Variants in XXYLT1 observed in about 807,000 individuals in gnomAD.
XXYLT1 encodes the protein UDP-xylose:alpha-xyloside alpha-1,3-xylosyltransferase.
In XXYLT1, 20 loss-of-function variants were observed where a neutral mutation model predicts 28.9. That is an observed-to-expected ratio of 0.69 (90% CI 0.49 to 1.00). The LOEUF is 1.00. XXYLT1 is among the 50% of genes least tolerant of loss of function. The pLI is 0.00. For missense variants in XXYLT1, 542 were observed against 560.1 expected (o/e 0.97, Z 0.33); for synonymous variants, 257 against 253.8 (o/e 1.01, Z -0.12).
At chr3:195,144,068 A>G (rs1010356765) in intron 3 of XXYLT1, among the ~76,000 whole-genome samples, 1 of 147,856 alleles carries the variant, frequency 6.8e-6, no homozygotes, top group Non-Finnish European at 1.5e-5. Context: ...TGATTTTTGT[A>G]TTTTTATTAG....
At chr3:195,249,670 A>T (rs917652474) in intron 1 of XXYLT1, among the ~76,000 whole-genome samples, 81 of 152,168 alleles carry the variant, frequency 5.3e-4, no homozygotes, top group Admixed American at 6.5e-5. Flanking sequence ...TTTCAGGCAC[A>T]AGGGTTGCCC....
intron 3 of XXYLT1, among the ~76,000 whole-genome samples, chr3:195,091,519 G>A: frequency 1.8e-5 from 1 of 56,594 alleles, no homozygotes; most frequent in African/African-American, 1.3e-4. Context: ...GTATTGATGG[G>A]ATGTATTTCA....
chr3:195,201,641 T>C (rs769733670), intron 2 of XXYLT1, among the ~76,000 whole-genome samples: 12 of 152,214 alleles, frequency 7.9e-5, no homozygotes, highest in Non-Finnish European at 1.8e-4. Flanking sequence ...CTTTTGGCTC[T>C]GCCAGATAAA....
At chr3:195,090,368 G>C (rs1304592521) in intron 3 of XXYLT1, among the ~76,000 whole-genome samples, 4 of 151,510 alleles carry the variant, frequency 2.6e-5, no homozygotes, top group African/African-American at 7.3e-5. Flanking sequence ...TCAGGATTAA[G>C]AATCTCACTC....
intron 1 of XXYLT1, among the ~76,000 whole-genome samples, chr3:195,234,011 G>T (rs1353971826): frequency 6.6e-6 from 1 of 151,876 alleles, no homozygotes; most frequent in Non-Finnish European, 1.5e-5. Context: ...CCGCCTCCCA[G>T]GTTCATGCCA....
chr3:195,069,240 G>A lies in XXYLT1; in HGVS notation c.*475C>T, dbSNP rs1714660752. ...GCATTCGTTTGGAAGCTTAGATACT[G>A]GGCTGGTCATTAAAACCTTGGCTTA... On this transcript the variant is annotated 3_prime_UTR_variant, in exon 4 of 4. Transcript: ENST00000310380. 1 of 158,574 alleles carries A rather than the reference G, an allele frequency of 6.3e-6. No individual in the cohort carries two copies. The highest frequency in any genetic ancestry group is 2.4e-5 in the African/African-American group (1 of 41,528). 9.8% of individuals were successfully genotyped at this position (158,574 alleles called of 1,614,324 possible).
At chr3:195,159,868 G>C (rs62285227) in intron 2 of XXYLT1, among the ~76,000 whole-genome samples, 19,923 of 152,118 alleles carry the variant, frequency 0.13, 1,751 homozygotes, top group East Asian at 0.41. Flanking sequence ...GGAATTGGCG[G>C]TGGTGGATCT....
chr3:195,214,824 G>A (rs959224563), intron 2 of XXYLT1: 2 of 152,168 alleles, frequency 1.3e-5, no homozygotes, highest in African/African-American at 4.8e-5. Context: ...AAATTGGAAC[G>A]ATACAGAGAA....
At position 195,143,795 on chromosome 3, in the gene XXYLT1, T is replaced by TATAG. The variant is rs1696106406; in HGVS notation, c.785+12653_785+12654insCTAT. 1.7e-5 allele frequency among the ~76,000 whole-genome samples: 2 copies of TATAG among 116,402 alleles called. 1 individual carries two copies. The highest frequency in any genetic ancestry group is 6.6e-5 in the African/African-American group (2 of 30,092). The allele number at this position is 116,402 out of a possible 152,430, so 76.4% of individuals were successfully genotyped here. A position where few individuals can be genotyped will look rare whatever the true frequency, so the allele number is the denominator to read the frequency against. On this transcript the variant is annotated intron_variant, in intron 3 of 3. Transcript: ENST00000310380. ...CAAATGTTCTCTCATTATATATATA[T>TATAG]ATATAGATAGATATATATAGATATA...
chr3:195,202,932 C>T (rs116092995), intron 2 of XXYLT1, among the ~76,000 whole-genome samples: 218 of 152,106 alleles, frequency 1.4e-3, no homozygotes, highest in Non-Finnish European at 1.7e-3. Context: ...CTAGGTGTGA[C>T]ACAAAATCTA....
intron 1 of XXYLT1, among the ~76,000 whole-genome samples, chr3:195,248,495 C>G (rs1422393438): frequency 6.6e-6 from 1 of 152,204 alleles, no homozygotes; most frequent in Non-Finnish European, 1.5e-5. Context: ...AACACCACCA[C>G]AAAAGACGGG....
At position 195,213,252 on chromosome 3, in the gene XXYLT1, CTTCT is replaced by C. The variant is rs200625232; in HGVS notation, c.652+13453_652+13456del. On this transcript the variant is annotated intron_variant, in intron 2 of 3. Coordinates refer to ENST00000310380, the MANE Select transcript of XXYLT1 (RefSeq NM_152531.5). Reference sequence around the variant, plus strand: ...TTATTACGCTAATCTGAGGGCAGCACTTCTTTCTTTCTTTTTTTTTTTTTTTTTT... The same window carrying C: ...TTATTACGCTAATCTGAGGGCAGCACTTCTTTCTTTTTTTTTTTTTTTTTT... Among the ~76,000 whole-genome samples the C allele has an allele frequency of 6.1e-3, 916 of 149,134 alleles. 12 individuals carry two copies. The highest frequency in any genetic ancestry group is 0.022 in the African/African-American group (858 of 39,708).
intron 3 of XXYLT1, among the ~76,000 whole-genome samples, chr3:195,136,706 C>T (rs146259730): frequency 3.9e-5 from 6 of 152,272 alleles, no homozygotes; most frequent in African/African-American, 1.4e-4. Flanking sequence ...CTGCTATAAG[C>T]CCTGGCCAGA....
At chr3:195,095,867 C>A (rs1005451154) in intron 3 of XXYLT1, 6 of 152,224 alleles carry the variant, frequency 3.9e-5, no homozygotes, top group African/African-American at 1.4e-4. Context: ...TTAACCACAT[C>A]TGGCTGGGAA....
At chr3:195,096,254 C>CAT (rs911686904) in intron 3 of XXYLT1, among the ~76,000 whole-genome samples, 2 of 152,178 alleles carry the variant, frequency 1.3e-5, no homozygotes, top group Non-Finnish European at 1.5e-5. Context: ...GTCCCTCTAG[C>CAT]ATGGCTGCAG....
chr3:195,270,353 C>T, intron 1 of XXYLT1: 5 of 1,250,262 alleles, frequency 4.0e-6, no homozygotes, highest in Non-Finnish European at 4.2e-6. Context: ...AGCTCCACTC[C>T]TCAGCACCAG....
At chr3:195,248,490 C>T (rs896923782) in intron 1 of XXYLT1, among the ~76,000 whole-genome samples, 1 of 152,174 alleles carries the variant, frequency 6.6e-6, no homozygotes, top group Admixed American at 6.5e-5. Context: ...ACAACAACAC[C>T]ACCACAAAAG....
At chr3:195,246,180 C>A (rs1725016076) in intron 1 of XXYLT1, among the ~76,000 whole-genome samples, 1 of 152,180 alleles carries the variant, frequency 6.6e-6, no homozygotes, top group Non-Finnish European at 1.5e-5. Context: ...TTCTCTCTTT[C>A]AAAATCTCAA....
At chr3:195,074,427 C>T (rs551818824) in intron 3 of XXYLT1, among the ~76,000 whole-genome samples, 1 of 152,280 alleles carries the variant, frequency 6.6e-6, no homozygotes, top group African/African-American at 2.4e-5. Flanking sequence ...GGCCTGGAAC[C>T]CGGAAACGTG....
Sources: gnomAD v4.1 joint callset for allele counts (sites outside exome capture counted in the v4.1 genomes callset) on GRCh38, gnomAD v4.1.1 for gene constraint, MANE v1.5 for transcripts, NCBI Gene and HGNC (gene_info 2026-07-23, HGNC 2026-07-21) for gene names.